Variants in LRRC4C observed in about 807,000 individuals in gnomAD.
LRRC4C encodes leucine rich repeat containing 4C.
Under a neutral mutation model 33.6 loss-of-function variants are expected in LRRC4C, and 5 were observed. The observed-to-expected ratio is 0.15, with a 90% CI of 0.08 to 0.31. The LOEUF is 0.31. Ranked by LOEUF, LRRC4C falls within the 10% of genes least tolerant of loss-of-function variation. The pLI is 1.00. For synonymous variants in LRRC4C, 329 were observed against 302.0 expected, an observed-to-expected ratio of 1.09 and a Z score of -0.93; for missense variants, 560 against 796.7, an observed-to-expected ratio of 0.70 and a Z score of 3.58.
At chr11:41,001,926 G>A (rs777512279) in intron 1 of LRRC4C, among the ~76,000 whole-genome samples, 1 of 151,328 alleles carries the variant, frequency 6.6e-6, no homozygotes, top group Non-Finnish European at 1.5e-5. Flanking sequence ...ATGTTACTGA[G>A]ATAAATTGTC....
intron 3 of LRRC4C, among the ~76,000 whole-genome samples, chr11:40,421,544 C>T (rs538394777): frequency 1.3e-5 from 2 of 152,196 alleles, no homozygotes; most frequent in Non-Finnish European, 2.9e-5. Context: ...CATTCAAGAC[C>T]AGCACTTAAA....
At chr11:41,219,683 G>A (rs1457940897) in intron 1 of LRRC4C, among the ~76,000 whole-genome samples, 1 of 152,182 alleles carries the variant, frequency 6.6e-6, no homozygotes, top group Non-Finnish European at 1.5e-5. Flanking sequence ...AATTTTAGTT[G>A]GGAAAATCAC....
At chr11:41,206,516 T>C (rs2136290987) in intron 1 of LRRC4C, among the ~76,000 whole-genome samples, 1 of 152,322 alleles carries the variant, frequency 6.6e-6, no homozygotes, top group African/African-American at 2.4e-5. Context: ...GTAACTTTGC[T>C]CACAGCTTTC....
chr11:40,864,772 G>A (rs1954270788), intron 2 of LRRC4C, among the ~76,000 whole-genome samples: 1 of 152,110 alleles, frequency 6.6e-6, no homozygotes, highest in Non-Finnish European at 1.5e-5. Context: ...GTTCTATCTG[G>A]ACTATGGAAT....
At chr11:41,282,800 G>A (rs1429713857) in intron 1 of LRRC4C, among the ~76,000 whole-genome samples, 2 of 152,162 alleles carry the variant, frequency 1.3e-5, no homozygotes, top group East Asian at 1.9e-4. Flanking sequence ...CTCCATAGGA[G>A]CCAACCACGC....
chr11:40,918,881 A>C (rs552141467), intron 2 of LRRC4C, among the ~76,000 whole-genome samples: 1 of 152,256 alleles, frequency 6.6e-6, no homozygotes, highest in Non-Finnish European at 1.5e-5. Flanking sequence ...TGGGTACTTA[A>C]ATCACTTTTA....
At chr11:41,459,318 T>C (rs1956265715) in intron 1 of LRRC4C, 113 bp downstream of exon 1, 1 of 151,944 alleles carries the variant, frequency 6.6e-6, no homozygotes, top group Non-Finnish European at 1.5e-5. Context: ...TTCTGAGCAT[T>C]CCAATCTCTA....
chr11:41,426,511 T>G (rs1590244845), intron 1 of LRRC4C: 1 of 152,320 alleles, frequency 6.6e-6, no homozygotes, highest in South Asian at 2.1e-4. Flanking sequence ...GCTCGTGTTT[T>G]GGTTGCTTGT....
At chr11:40,861,717 C>T (rs565864258) in intron 2 of LRRC4C, among the ~76,000 whole-genome samples, 1 of 152,284 alleles carries the variant, frequency 6.6e-6, no homozygotes, top group South Asian at 2.1e-4. Flanking sequence ...AATGGGGTTT[C>T]TCTGGTTCAT....
At chr11:40,435,051 T>A (rs1161200047) in intron 3 of LRRC4C, among the ~76,000 whole-genome samples, 1 of 152,264 alleles carries the variant, frequency 6.6e-6, no homozygotes, top group South Asian at 2.1e-4. Flanking sequence ...GCCTGCCAGA[T>A]AAAACTGAGT....
intron 2 of LRRC4C, among the ~76,000 whole-genome samples, chr11:40,720,747 C>A (rs1366806284): frequency 2.0e-5 from 3 of 152,128 alleles, no homozygotes; most frequent in African/African-American, 7.2e-5. Flanking sequence ...CCCAAAGAAT[C>A]ATTTTATCAT....
At chr11:40,382,518 C>T (rs1948921801) in intron 3 of LRRC4C, among the ~76,000 whole-genome samples, 2 of 151,350 alleles carry the variant, frequency 1.3e-5, no homozygotes, top group African/African-American at 2.4e-5. Context: ...TTTCCTCCAA[C>T]CCTCTTTATT....
chr11:40,572,827 TA>T (rs1333639304), intron 3 of LRRC4C, among the ~76,000 whole-genome samples: 1 of 152,206 alleles, frequency 6.6e-6, no homozygotes, highest in East Asian at 1.9e-4. Flanking sequence ...CATGCACTAT[TA>T]CGATATGCAA....
intron 4 of LRRC4C, among the ~76,000 whole-genome samples, chr11:40,315,793 T>A (rs1945546687): frequency 6.6e-6 from 1 of 151,980 alleles, no homozygotes; most frequent in Admixed American, 6.5e-5. Context: ...TCTGACAGGG[T>A]TACACCAAAT....
At chr11:41,311,792 A>C (rs1387815085) in intron 1 of LRRC4C, among the ~76,000 whole-genome samples, 1 of 152,206 alleles carries the variant, frequency 6.6e-6, no homozygotes, top group Non-Finnish European at 1.5e-5. Context: ...ATTTATCTCA[A>C]TCACAAATTT....
chr11:40,542,628 G>A (rs1283473689), intron 3 of LRRC4C, among the ~76,000 whole-genome samples: 3 of 148,966 alleles, frequency 2.0e-5, no homozygotes, highest in Non-Finnish European at 4.4e-5. Context: ...CGTTCACAGG[G>A]GAAGTTCTTT....
intron 2 of LRRC4C, among the ~76,000 whole-genome samples, chr11:40,906,076 C>T (rs548539239): frequency 3.3e-5 from 5 of 152,320 alleles, no homozygotes; most frequent in African/African-American, 9.6e-5. Flanking sequence ...GGTCAGTCAG[C>T]AGCCATCAAC....
At chr11:41,236,728 G>A (rs10837599) in intron 1 of LRRC4C, among the ~76,000 whole-genome samples, 27,234 of 152,094 alleles carry the variant, frequency 0.18, 3,067 homozygotes, top group East Asian at 0.43. Context: ...AAGTTTTCCA[G>A]TAGGACTGTG....
intron 1 of LRRC4C, among the ~76,000 whole-genome samples, chr11:41,135,051 T>C (rs1476512023): frequency 1.3e-5 from 2 of 150,366 alleles, no homozygotes; most frequent in African/African-American, 5.0e-5. Flanking sequence ...TGCCATCACA[T>C]ATACACATAT....
Sources: allele counts gnomAD v4.1 joint callset (sites outside exome capture counted in the v4.1 genomes callset), GRCh38; gene constraint gnomAD v4.1.1; transcripts MANE v1.5; gene names NCBI Gene and HGNC (gene_info 2026-07-23, HGNC 2026-07-21).